CSNK1G1: variants seen among roughly 807,000 people sequenced by gnomAD.
The protein encoded by CSNK1G1 is casein kinase I isoform gamma-1.
Under a neutral mutation model 59.6 loss-of-function variants are expected in CSNK1G1, and 22 were observed. The ratio of observed to expected loss-of-function variants is 0.37; its 90% CI spans 0.26 to 0.53. CSNK1G1 has a LOEUF of 0.53. CSNK1G1 is among the 20% of genes least tolerant of loss of function. The pLI is 0.89. For synonymous variants in CSNK1G1, 179 were observed against 177.1 expected (o/e 1.01, Z -0.08); for missense variants, 384 against 519.5 (o/e 0.74, Z 2.54).
In CSNK1G1 at chr15:64,165,567, G is replaced by C. The variant is rs2081593645; in HGVS notation, c.*6364C>G. On this transcript the variant is annotated 3_prime_UTR_variant, in exon 12 of 12. Coordinates refer to ENST00000303052, the MANE Select transcript of CSNK1G1 (RefSeq NM_022048.5). ...TATTTATTTTTGAAGTGACTCACAGGAGAAGACAATATTTAATCCAAGGAA... is the reference window on the plus strand; with the variant it reads ...TATTTATTTTTGAAGTGACTCACAGCAGAAGACAATATTTAATCCAAGGAA... 1 of 152,908 alleles carries C rather than the reference G, an allele frequency of 6.5e-6. No homozygotes were observed. The highest frequency in any genetic ancestry group is 1.9e-4 in the East Asian group (1 of 5,226). The allele number at this position is 152,908 out of a possible 1,614,324, so 9.5% of individuals were successfully genotyped here. A position where few individuals can be genotyped will look rare whatever the true frequency, so the allele number is the denominator to read the frequency against.
At chr15:64,217,661 C>T (rs2082329710) in intron 4 of CSNK1G1, among the ~76,000 whole-genome samples, 1 of 151,836 alleles carries the variant, frequency 6.6e-6, no homozygotes, top group Admixed American at 6.6e-5. Context: ...ACTGAAAATA[C>T]AAAAATTAGC....
chr15:64,251,368 T>C (rs1362178787), intron 4 of CSNK1G1, 144 bp downstream of exon 4: 2 of 577,488 alleles, frequency 3.5e-6, no homozygotes, highest in Admixed American at 3.1e-5. Flanking sequence ...AGCTTTGTGG[T>C]TGACTATGTT....
intron 4 of CSNK1G1, among the ~76,000 whole-genome samples, chr15:64,218,664 C>T (rs1026349691): frequency 2.6e-5 from 4 of 152,098 alleles, no homozygotes; most frequent in East Asian, 1.9e-4. Context: ...GCTGGGATTA[C>T]AGGCGAGAGC....
chr15:64,265,211 C>T (rs1464376006), intron 2 of CSNK1G1, among the ~76,000 whole-genome samples: 1 of 152,088 alleles, frequency 6.6e-6, no homozygotes, highest in Non-Finnish European at 1.5e-5. Flanking sequence ...TTTCTAATGC[C>T]AAAAACAAAC....
intron 3 of CSNK1G1, among the ~76,000 whole-genome samples, chr15:64,258,086 C>T (rs1468581454): frequency 6.6e-6 from 1 of 152,142 alleles, no homozygotes; most frequent in African/African-American, 2.4e-5. Context: ...AACAACCAAT[C>T]ACAGAACAAG....
intron 1 of CSNK1G1, among the ~76,000 whole-genome samples, chr15:64,301,445 C>T (rs1384836911): frequency 6.6e-6 from 1 of 151,130 alleles, no homozygotes; most frequent in Admixed American, 6.6e-5. Flanking sequence ...GGACTGAGCC[C>T]AACACAAATG....
chr15:64,239,958 G>A (rs958892461), intron 4 of CSNK1G1, among the ~76,000 whole-genome samples: 2 of 152,186 alleles, frequency 1.3e-5, no homozygotes, highest in Non-Finnish European at 2.9e-5. Context: ...AATAAGGCGG[G>A]AGCAATGTTT....
chr15:64,322,071 T>C (rs1896594597), intron 1 of CSNK1G1, among the ~76,000 whole-genome samples: 1 of 152,196 alleles, frequency 6.6e-6, no homozygotes, highest in Non-Finnish European at 1.5e-5. Flanking sequence ...CTGTAATATG[T>C]AATATCTTCC....
chr15:64,333,620 T>C (rs562660618), intron 1 of CSNK1G1, among the ~76,000 whole-genome samples: 65 of 152,116 alleles, frequency 4.3e-4, no homozygotes, highest in African/African-American at 1.5e-3. Context: ...TGGTCTTAAA[T>C]GCGCCACTTA....
At chr15:64,338,973 C>T (rs1429100002) in intron 1 of CSNK1G1, among the ~76,000 whole-genome samples, 4 of 148,412 alleles carry the variant, frequency 2.7e-5, no homozygotes, top group Non-Finnish European at 4.5e-5. Context: ...GCCAAGATCA[C>T]GCCACTGCAC....
In CSNK1G1 at chr15:64,165,988, T is replaced by G; in HGVS notation, c.*5943A>C. 1 of 677,730 alleles carries G rather than the reference T, an allele frequency of 1.5e-6. No individual in the cohort carries two copies. Among genetic ancestry groups the G allele is most frequent in the Non-Finnish European group, 2.7e-6 (1 of 375,570 alleles). 42.0% of individuals were successfully genotyped at this position (677,730 alleles called of 1,614,324 possible). ...CCTGGAGGAACCATTTCAAATACAC[T>G]TGAAATTGACATTCATGTTTAAAAA... On this transcript the variant is annotated 3_prime_UTR_variant, in exon 12 of 12. Transcript: ENST00000303052.
intron 10 of CSNK1G1, chr15:64,181,997 G>C (rs2081820378): frequency 6.7e-6 from 1 of 148,922 alleles, no homozygotes; most frequent in African/African-American, 2.5e-5. Flanking sequence ...TTACTAGCAA[G>C]CTATATCCGC....
chr15:64,339,242 A>G (rs1897563062), intron 1 of CSNK1G1, among the ~76,000 whole-genome samples: 1 of 152,152 alleles, frequency 6.6e-6, no homozygotes, highest in African/African-American at 2.4e-5. Context: ...TGGAGGCCCT[A>G]CCCCAGATGA....
At chr15:64,177,318 T>A (rs552128387) in intron 11 of CSNK1G1, among the ~76,000 whole-genome samples, 8 of 152,238 alleles carry the variant, frequency 5.3e-5, no homozygotes, top group African/African-American at 1.9e-4. Context: ...TGAGGGGCTG[T>A]TTGGAACACC....
intron 7 of CSNK1G1, among the ~76,000 whole-genome samples, chr15:64,205,306 A>G (rs550783910): frequency 6.6e-6 from 1 of 152,362 alleles, no homozygotes; most frequent in East Asian, 1.9e-4. Flanking sequence ...AATATGATTC[A>G]GCATTCTCTC....
chr15:64,175,084 T>C (rs1470908410), intron 11 of CSNK1G1, among the ~76,000 whole-genome samples: 1 of 145,206 alleles, frequency 6.9e-6, no homozygotes, highest in African/African-American at 2.6e-5. Flanking sequence ...GTAAGGATCA[T>C]GTGACTGACA....
rs753853684 is a variant in CSNK1G1 at position 64,216,625 on chromosome 15, G to A, written c.381C>T (p.Asp127=). The A allele has an allele frequency of 3.1e-6, 5 of 1,613,906 alleles. No homozygotes were observed. Among genetic ancestry groups the A allele is most frequent in the Non-Finnish European group, 4.2e-6 (5 of 1,179,864 alleles). Residue 127 remains aspartate (D), a synonymous_variant, in exon 5 of 12, where the codon GAC becomes GAT. Coordinates refer to ENST00000303052, the MANE Select transcript of CSNK1G1 (RefSeq NM_022048.5). This position sits in a 1 kb window ranked among gnomAD's most constrained non-coding sequence, Gnocchi z 4.6. The part of the protein sequence containing the change: ...VLELLGPSLE[D]LFDLCDRTFT... Reference sequence around the variant, plus strand: ...ATGTTCGGTCACAGAGGTCAAACAAGTCCTCCAAGCTAGGGCCAAGGAGCT... The same window carrying A: ...ATGTTCGGTCACAGAGGTCAAACAAATCCTCCAAGCTAGGGCCAAGGAGCT...
intron 2 of CSNK1G1, among the ~76,000 whole-genome samples, chr15:64,264,371 A>T (rs1157364456): frequency 6.6e-6 from 1 of 152,206 alleles, no homozygotes; most frequent in Non-Finnish European, 1.5e-5. Flanking sequence ...AATAAGATGG[A>T]AGCAATGATA....
chr15:64,304,298 G>A (rs572339225), intron 1 of CSNK1G1, among the ~76,000 whole-genome samples: 6 of 148,374 alleles, frequency 4.0e-5, no homozygotes, highest in African/African-American at 1.2e-4. Flanking sequence ...CAGGAGAATC[G>A]CTTGAACCTG....
Sources: gnomAD v4.1 joint callset for allele counts (sites outside exome capture counted in the v4.1 genomes callset) on GRCh38, gnomAD v4.1.1 for gene constraint, Gnocchi (gnomAD v3.1) non-coding constraint, MANE v1.5 for transcripts, NCBI Gene and HGNC (gene_info 2026-07-23, HGNC 2026-07-21) for gene names.